The following SPIDR variants were observed in gnomAD, a reference collection of about 807,000 sequenced individuals.
The protein encoded by SPIDR is scaffold protein involved in DNA repair, also known as DNA repair-scaffolding protein.
In SPIDR, 93 loss-of-function variants were observed where a neutral mutation model predicts 104.6. That is an observed-to-expected ratio of 0.89 (90% confidence interval 0.75 to 1.06). The LOEUF is 1.06. Among genes scored for constraint, SPIDR ranks in the 50% least tolerant of loss-of-function variants. The pLI is 0.00. For synonymous variants in SPIDR, 431 were observed against 416.9 expected, an observed-to-expected ratio of 1.03 and a Z score of -0.41; for missense variants, 1,154 against 1,111.2, an observed-to-expected ratio of 1.04 and a Z score of -0.55.
At position 47,598,939 on chromosome 8, in the gene SPIDR, T is replaced by C. The variant is rs765894544; in HGVS notation, c.1294-7T>C. 135 of 1,613,932 alleles carry C rather than the reference T, an allele frequency of 8.4e-5. 2 individuals are homozygous for C. The South Asian group carries it at 1.5e-3, about 17-fold the overall frequency. ...TTGAAACTGTTCCCTTTATGTGTCT[T>C]GGCCAGGTTGTGTGTAGTGGTGTAG... On this transcript the variant is annotated splice_polypyrimidine_tract_variant and splice_region_variant and intron_variant, in intron 9 of 19. Coordinates refer to ENST00000297423, the MANE Select transcript of SPIDR (RefSeq NM_001080394.4).
At chr8:47,348,963 A>G (rs2052804912) in intron 5 of SPIDR, among the ~76,000 whole-genome samples, 1 of 152,182 alleles carries the variant, frequency 6.6e-6, no homozygotes, top group Non-Finnish European at 1.5e-5. Context: ...AACTTGTCAA[A>G]GTCATTCTCC....
chr8:47,658,286 C>T (rs2073315904), intron 10 of SPIDR, among the ~76,000 whole-genome samples: 2 of 151,764 alleles, frequency 1.3e-5, no homozygotes, highest in Admixed American at 1.3e-4. Context: ...GGCATAGTGG[C>T]ACATGCTTGT....
chr8:47,685,493 A>ATTTTTTTTTTTTT (rs1563538977), intron 11 of SPIDR, among the ~76,000 whole-genome samples: 1 of 114,260 alleles, frequency 8.8e-6, no homozygotes, highest in African/African-American at 2.7e-5. Context: ...TTATTTATTT[A>ATTTTTTTTTTTTT]TTTATTTATT....
intron 8 of SPIDR, among the ~76,000 whole-genome samples, chr8:47,510,104 T>C (rs1269519574): frequency 6.6e-6 from 1 of 152,260 alleles, no homozygotes; most frequent in Non-Finnish European, 1.5e-5. Context: ...CGATTTCAGC[T>C]ATAATCATTA....
intron 10 of SPIDR, among the ~76,000 whole-genome samples, chr8:47,602,022 A>G (rs2062359875): frequency 6.6e-6 from 1 of 152,252 alleles, no homozygotes; most frequent in South Asian, 2.1e-4. Flanking sequence ...ATTCTTTGCT[A>G]ATATATTTAG....
intron 9 of SPIDR, among the ~76,000 whole-genome samples, chr8:47,598,733 C>T (rs1056870149): frequency 2.0e-5 from 3 of 152,186 alleles, no homozygotes; most frequent in South Asian, 2.1e-4. Flanking sequence ...TTCTTTCACT[C>T]GCCTTCAGCT....
intron 8 of SPIDR, among the ~76,000 whole-genome samples, chr8:47,505,042 A>G (rs961349742): frequency 2.0e-5 from 3 of 152,088 alleles, no homozygotes; most frequent in Non-Finnish European, 4.4e-5. Flanking sequence ...GTCTGCCCCT[A>G]CTGAAGGGTG....
chr8:47,663,777 C>T (rs568501115), intron 10 of SPIDR, among the ~76,000 whole-genome samples: 4 of 152,284 alleles, frequency 2.6e-5, no homozygotes, highest in South Asian at 2.1e-4. Context: ...TTTTCTCACA[C>T]GACACATGCT....
At chr8:47,734,664 G>T (rs867099243) in intron 19 of SPIDR, among the ~76,000 whole-genome samples, 24 of 152,090 alleles carry the variant, frequency 1.6e-4, no homozygotes, top group Non-Finnish European at 4.4e-5. Context: ...AGCCCTACCC[G>T]CAACAGCATT....
chr8:47,291,443 G>A (rs901821372), intron 4 of SPIDR, among the ~76,000 whole-genome samples: 143 of 152,196 alleles, frequency 9.4e-4, no homozygotes, highest in Middle Eastern at 3.4e-3. Context: ...ACAGTCTGGC[G>A]GTTTCTTAAA....
chr8:47,516,056 G>A (rs2083087645), intron 8 of SPIDR, among the ~76,000 whole-genome samples: 2 of 152,164 alleles, frequency 1.3e-5, no homozygotes, highest in African/African-American at 4.8e-5. Context: ...TGATCCGCCC[G>A]CCTCGGCCTC....
chr8:47,503,122 G>A (rs1457456913), intron 8 of SPIDR, among the ~76,000 whole-genome samples: 2 of 152,194 alleles, frequency 1.3e-5, no homozygotes, highest in Non-Finnish European at 2.9e-5. Context: ...TGTTGATTTT[G>A]GGTGGAGAGT....
intron 8 of SPIDR, among the ~76,000 whole-genome samples, chr8:47,452,479 C>T (rs1410123679): frequency 6.6e-6 from 1 of 152,178 alleles, no homozygotes; most frequent in Non-Finnish European, 1.5e-5. Context: ...TACTGGCAAA[C>T]CGAATCCAGC....
intron 10 of SPIDR, among the ~76,000 whole-genome samples, chr8:47,661,855 T>C (rs563084138): frequency 6.6e-6 from 1 of 152,378 alleles, no homozygotes; most frequent in East Asian, 1.9e-4. Flanking sequence ...TTGTCGATAG[T>C]GGCAGAGCTG....
chr8:47,627,228 G>A (rs28542855), intron 10 of SPIDR, among the ~76,000 whole-genome samples: 21,083 of 152,058 alleles, frequency 0.14, 2,263 homozygotes, highest in African/African-American at 0.28. Flanking sequence ...TCACACTCTG[G>A]GGACTGTTGT....
intron 8 of SPIDR, among the ~76,000 whole-genome samples, chr8:47,543,637 A>G (rs921287680): frequency 3.3e-5 from 5 of 152,172 alleles, no homozygotes; most frequent in African/African-American, 4.8e-5. Flanking sequence ...AAAAAGCACA[A>G]CTGAGCTTCA....
intron 8 of SPIDR, among the ~76,000 whole-genome samples, chr8:47,540,798 CTA>C (rs1332500100): frequency 6.6e-6 from 1 of 152,132 alleles, no homozygotes; most frequent in Non-Finnish European, 1.5e-5. Context: ...CATGAAATAA[CTA>C]TTAAGTGAGT....
intron 16 of SPIDR, among the ~76,000 whole-genome samples, chr8:47,722,364 T>G (rs2083525531): frequency 6.6e-6 from 1 of 152,214 alleles, no homozygotes; most frequent in South Asian, 2.1e-4. Context: ...TTTTATTTTC[T>G]TGTCTTACTG....
chr8:47,331,989 CTTTTTTTTTTTTT>C lies in SPIDR; in HGVS notation c.525+37969_525+37981del, dbSNP rs1289524835. Among the ~76,000 whole-genome samples, 3 of 36,328 alleles carry C rather than the reference CTTTTTTTTTTTTT, an allele frequency of 8.3e-5. No individual in the cohort carries two copies. In the East Asian group the frequency reaches 2.8e-3, roughly 33 times the overall value. 23.8% of individuals were successfully genotyped at this position (36,328 alleles called of 152,430 possible). ...ACTTTTTTTTTTTTTTTTTTTTTCT[CTTTTTTTTTTTTT>C]TTTTTTTTTATTATACTCTAAGTTT... is the stretch of plus-strand genomic sequence containing the variant. On this transcript the variant is annotated intron_variant, in intron 5 of 19. Coordinates refer to ENST00000297423, the MANE Select transcript of SPIDR (RefSeq NM_001080394.4).
Sources: gnomAD v4.1 joint callset for allele counts (sites outside exome capture counted in the v4.1 genomes callset) on GRCh38, gnomAD v4.1.1 for gene constraint, MANE v1.5 for transcripts, NCBI Gene and HGNC (gene_info 2026-07-23, HGNC 2026-07-21) for gene names.